The following ZC3H11A variants were observed in gnomAD, a reference collection of about 807,000 sequenced individuals.
The protein encoded by ZC3H11A is zinc finger CCCH-type containing 11A, also known as zinc finger CCCH domain-containing protein 11A.
Under a neutral mutation model 90.8 loss-of-function variants are expected in ZC3H11A, and 22 were observed. That is an observed-to-expected ratio of 0.24 (90% confidence interval 0.17 to 0.35). The LOEUF (loss-of-function observed/expected upper bound fraction) is 0.35. ZC3H11A is among the 10% of genes least tolerant of loss of function. The probability of loss-of-function intolerance (pLI) is 1.00; values close to 1 mark genes in which losing one functional copy is unlikely to be tolerated. For missense variants in ZC3H11A, 701 were observed against 964.9 expected (o/e 0.73, Z 3.62); for synonymous variants, 294 against 339.8 (o/e 0.87, Z 1.48).
At chr1:203,845,328 A>T (rs756795567) in intron 12 of ZC3H11A, among the ~76,000 whole-genome samples, 10 of 152,188 alleles carry the variant, frequency 6.6e-5, no homozygotes, top group Non-Finnish European at 1.2e-4. Flanking sequence ...ACTTTCTTGG[A>T]GTGGTAATTT....
chr1:203,799,800 A>T, intron 1 of ZC3H11A: 1 of 1,310,376 alleles, frequency 7.6e-7, no homozygotes, highest in Non-Finnish European at 1.1e-6. Flanking sequence ...TGCCATGCTT[A>T]AATCCAAGCC....
At chr1:203,797,653 A>G (rs1194926743) in intron 1 of ZC3H11A, 1 of 1,536,106 alleles carries the variant, frequency 6.5e-7, no homozygotes, top group South Asian at 1.2e-5. Context: ...GATGTGGTAG[A>G]GGAAAAGATG....
At chr1:203,828,864 A>G (rs1310198666) in intron 5 of ZC3H11A, among the ~76,000 whole-genome samples, 1 of 152,202 alleles carries the variant, frequency 6.6e-6, no homozygotes, top group Non-Finnish European at 1.5e-5. Context: ...CAAAGCCTAA[A>G]TTATTAACTG....
At chr1:203,799,093 T>C in intron 1 of ZC3H11A, 1 of 1,536,042 alleles carries the variant, frequency 6.5e-7, no homozygotes, top group Non-Finnish European at 8.7e-7. Context: ...AAGTGGGCAG[T>C]GCTTTGTGTT....
intron 10 of ZC3H11A, 99 bp from the exon 11 acceptor site, chr1:203,837,867 A>G (rs986265083): frequency 1.8e-6 from 2 of 1,098,148 alleles, no homozygotes; most frequent in African/African-American, 1.6e-5. Context: ...TATGCAGAAC[A>G]CTTAACAGAA....
chr1:203,820,783 A>G (rs1402545132), intron 4 of ZC3H11A, among the ~76,000 whole-genome samples: 1 of 151,998 alleles, frequency 6.6e-6, no homozygotes, highest in Non-Finnish European at 1.5e-5. Context: ...GGCGAATGGT[A>G]TTTTTGTTGC....
intron 2 of ZC3H11A, among the ~76,000 whole-genome samples, chr1:203,811,420 T>C (rs1481394470): frequency 3.9e-5 from 6 of 152,370 alleles, no homozygotes; most frequent in Admixed American, 1.3e-4. Context: ...TTGTTGCTGG[T>C]CTTTCTAAAA....
chr1:203,797,557 C>CA, intron 1 of ZC3H11A: 1 of 1,526,852 alleles, frequency 6.5e-7, no homozygotes, highest in Non-Finnish European at 8.7e-7. Context: ...CCAGTTTCTT[C>CA]ACTCTCTCCT....
Position 203,801,817 on chromosome 1 carries a change from AT to A in ZC3H11A, c.-1331del, listed in dbSNP as rs34997581. On this transcript the variant is annotated 5_prime_UTR_variant, in exon 2 of 18. The change abolishes the stop of an existing upstream ORF in the 5' untranslated region. Coordinates refer to ENST00000367210, the MANE Select transcript of ZC3H11A (RefSeq NM_001376342.1). ...CAAAATCGGGTTTTTTTTGGTTTTG[AT>A]TTTTTTTTTTTTTAAATTCTTAAAT... The A allele has an allele frequency of 0.54, 80,691 of 148,902 alleles. 21,948 individuals carry two copies. The highest frequency in any genetic ancestry group is 0.62 in the African/African-American group (25,171 of 40,456). The allele number at this position is 148,902 out of a possible 1,614,324, so 9.2% of individuals were successfully genotyped here.
intron 12 of ZC3H11A, among the ~76,000 whole-genome samples, chr1:203,845,775 A>T (rs888279872): frequency 2.0e-5 from 3 of 152,056 alleles, no homozygotes; most frequent in Non-Finnish European, 4.4e-5. Flanking sequence ...TGAGGCAGAG[A>T]ATCACTTGAA....
chr1:203,831,242 G>C (rs1350233218), intron 8 of ZC3H11A, among the ~76,000 whole-genome samples: 1 of 152,006 alleles, frequency 6.6e-6, no homozygotes, highest in Non-Finnish European at 1.5e-5. Context: ...TATATATAGA[G>C]AGAAATGGTT....
At chr1:203,809,174 T>TC (rs1380686442) in intron 2 of ZC3H11A, among the ~76,000 whole-genome samples, 2 of 96,766 alleles carry the variant, frequency 2.1e-5, no homozygotes, top group East Asian at 6.4e-4. Flanking sequence ...TTCTCACTGT[T>TC]TTTTTTTTTT....
intron 12 of ZC3H11A, among the ~76,000 whole-genome samples, chr1:203,844,068 G>C (rs1687220273): frequency 1.3e-5 from 2 of 152,074 alleles, no homozygotes; most frequent in Non-Finnish European, 2.9e-5. Flanking sequence ...TGTTGGTCAG[G>C]CTGGTCTCGA....
intron 6 of ZC3H11A, 21 bp from the exon 7 acceptor site, chr1:203,829,759 G>A (rs1681657938): frequency 6.2e-7 from 1 of 1,612,974 alleles, no homozygotes. Context: ...TTGTGAATTT[G>A]CCTTAAATGT....
intron 8 of ZC3H11A, 110 bp downstream of exon 8, chr1:203,830,313 C>G: frequency 1.2e-6 from 1 of 849,860 alleles, no homozygotes. Flanking sequence ...ATTTCCATGG[C>G]CTGTTTGAAG....
At chr1:203,840,463 G>A (rs1685752693) in intron 12 of ZC3H11A, 89 bp downstream of exon 12, 2 of 1,336,404 alleles carry the variant, frequency 1.5e-6, no homozygotes, top group Non-Finnish European at 2.1e-6. Context: ...TTGCTTGCTA[G>A]GGCTTTTGAT....
chr1:203,813,539 C>T (rs1675226491), intron 2 of ZC3H11A, among the ~76,000 whole-genome samples: 1 of 152,148 alleles, frequency 6.6e-6, no homozygotes. Flanking sequence ...CTATCCTTTT[C>T]CCCTTTGTCA....
chr1:203,848,014 C>T (rs1688346454), intron 13 of ZC3H11A, among the ~76,000 whole-genome samples: 1 of 152,090 alleles, frequency 6.6e-6, no homozygotes, highest in Non-Finnish European at 1.5e-5. Context: ...TGCCACCACA[C>T]CCCGCTAATT....
chr1:203,819,266 C>T (rs540813742), intron 4 of ZC3H11A, among the ~76,000 whole-genome samples: 16 of 148,138 alleles, frequency 1.1e-4, no homozygotes, highest in Middle Eastern at 3.5e-3. Flanking sequence ...CTGTCGCCCA[C>T]GCTGGAGTGC....
Sources: allele counts gnomAD v4.1 joint callset (sites outside exome capture counted in the v4.1 genomes callset), GRCh38; gene constraint gnomAD v4.1.1; transcripts MANE v1.5; gene names NCBI Gene and HGNC (gene_info 2026-07-23, HGNC 2026-07-21).